Variants in ACOX3 observed in about 807,000 individuals in gnomAD.
The protein encoded by ACOX3 is acyl-CoA oxidase 3, pristanoyl.
Under a neutral mutation model 81.5 loss-of-function variants are expected in ACOX3, and 73 were observed. The ratio of observed to expected loss-of-function variants is 0.90; its 90% CI spans 0.74 to 1.09. The LOEUF (loss-of-function observed/expected upper bound fraction) is 1.09. Among genes scored for constraint, ACOX3 ranks in the 50% least tolerant of loss-of-function variants. ACOX3 has a pLI of 0.00. For synonymous variants in ACOX3, 387 were observed against 375.1 expected, an observed-to-expected ratio of 1.03 and a Z score of -0.37; for missense variants, 947 against 928.0, an observed-to-expected ratio of 1.02 and a Z score of -0.27.
downstream of ACOX3, among the ~76,000 whole-genome samples, chr4:8,364,347 A>C (rs1222893561): frequency 6.6e-6 from 1 of 152,258 alleles, no homozygotes; most frequent in Non-Finnish European, 1.5e-5. This position sits in a 1 kb window ranked among gnomAD's most constrained non-coding sequence, Gnocchi z 5.0. Flanking sequence ...AATATTTCAC[A>C]GAGCTTGGCT....
chr4:8,410,450 C>A, intron 5 of ACOX3, 95 bp from the exon 6 acceptor site: 1 of 1,489,652 alleles, frequency 6.7e-7, no homozygotes. Context: ...TTTCTACGTT[C>A]AAAATCTCTG....
downstream of ACOX3, among the ~76,000 whole-genome samples, chr4:8,363,255 T>C (rs1191064318): frequency 6.6e-6 from 1 of 152,254 alleles, no homozygotes; most frequent in Non-Finnish European, 1.5e-5. Context: ...AGCCTTCTAA[T>C]TTAGTTCACT....
rs1457311923 is a variant in ACOX3, at chr4:8,400,707, A to G, written c.777-1055T>C. On this transcript the variant is annotated intron_variant, in intron 7 of 17. Coordinates refer to ENST00000356406, the MANE Select transcript of ACOX3 (RefSeq NM_003501.3). The surrounding 1 kb of genome is among the most constrained non-coding windows in gnomAD (Gnocchi z 4.4). ...CCAAAACAAACTTCAAAATATCAAT[A>G]GTTCCTATAGCAACTTGTCTGATTC... Among the ~76,000 whole-genome samples, 1 of 152,184 alleles carries G rather than the reference A, an allele frequency of 6.6e-6. No homozygotes were observed. The highest frequency in any genetic ancestry group is 1.5e-5 in the Non-Finnish European group (1 of 68,040).
chr4:8,419,712 G>A lies in ACOX3; in HGVS notation c.-14-3177C>T, dbSNP rs1305767304. On this transcript the variant is annotated intron_variant, in intron 1 of 17. Transcript: ENST00000356406. This position sits in a 1 kb window ranked among gnomAD's most constrained non-coding sequence, Gnocchi z 4.2. ...ACCTCCAGACTCGTGAGCTCATTTG[G>A]CAGTCAACGGCAATTCCCCACCTCT... Among the ~76,000 whole-genome samples the A allele has an allele frequency of 2.0e-5, 3 of 152,132 alleles. No homozygotes were observed.
At chr4:8,364,028 T>C (rs1392803972), downstream of ACOX3, among the ~76,000 whole-genome samples, 1 of 152,170 alleles carries the variant, frequency 6.6e-6, no homozygotes, top group Non-Finnish European at 1.5e-5. The surrounding 1 kb of genome is among the most constrained non-coding windows in gnomAD (Gnocchi z 5.0). Flanking sequence ...TAAACTTGCT[T>C]TCACTTTACT....
At chr4:8,369,511 T>C (rs1004938373) in intron 17 of ACOX3, among the ~76,000 whole-genome samples, 14 of 152,018 alleles carry the variant, frequency 9.2e-5, no homozygotes, top group African/African-American at 3.4e-4. Flanking sequence ...CAGTGGTCAG[T>C]CCCCGATGCA....
At position 8,399,052 on chromosome 4, in the gene ACOX3, T is replaced by G. The variant is rs901085311; in HGVS notation, c.873+504A>C. On this transcript the variant is annotated intron_variant, in intron 8 of 17. Transcript: ENST00000356406. The surrounding 1 kb of genome is among the most constrained non-coding windows in gnomAD (Gnocchi z 4.9). ...GCTGCATGCTGCTGGGGACTGTTATTCCAAGGGTGCATGCTCGGGGTGGCC... is the reference window on the plus strand; with the variant it reads ...GCTGCATGCTGCTGGGGACTGTTATGCCAAGGGTGCATGCTCGGGGTGGCC... Among the ~76,000 whole-genome samples, 10 of 152,182 alleles carry G rather than the reference T, an allele frequency of 6.6e-5. No individual in the cohort carries two copies. The highest frequency in any genetic ancestry group is 1.5e-4 in the Non-Finnish European group (10 of 68,040).
At chr4:8,372,642 G>GGCT (rs1185566347) in intron 16 of ACOX3, among the ~76,000 whole-genome samples, 1 of 152,184 alleles carries the variant, frequency 6.6e-6, no homozygotes, top group Non-Finnish European at 1.5e-5. Flanking sequence ...TGGAACCGCA[G>GGCT]GCTCAGGGAA....
Position 8,414,906 on chromosome 4 carries a change from C to T in ACOX3, c.401G>A (p.Ser134Asn), listed in dbSNP as rs1722152509. Residue 134 changes from serine (S) to asparagine (N), a missense_variant, in exon 4 of 18, where the codon AGT (serine) becomes AAT (asparagine). By Grantham distance (46) the Ser-to-Asn change is conservative. Transcript: ENST00000356406. This position sits in a 1 kb window ranked among gnomAD's most constrained non-coding sequence, Gnocchi z 6.1. ...TGTGAGATGTCTTTCAGAACCAGAA[C>T]TGTAAACTGCTGATCCAAAAACCTG... The part of the protein sequence containing the change: ...HSLVFGSAVY[S>N]SGSERHLTYI... 3 of 1,614,128 alleles carry T rather than the reference C, an allele frequency of 1.9e-6. No homozygotes were observed. Among genetic ancestry groups the T allele is most frequent in the African/African-American group, 1.3e-5 (1 of 74,946 alleles).
rs986393740 is a variant in ACOX3 at position 8,405,111 on chromosome 4, A to G, written c.776+844T>C. ...AAGAAAGCTGGTCAAGGTGACACAA[A>G]GGGCCGGCTGCACATCTGTCTCATT... On this transcript the variant is annotated intron_variant, in intron 7 of 17. Transcript: ENST00000356406. This position sits in a 1 kb window ranked among gnomAD's most constrained non-coding sequence, Gnocchi z 7.1. 6.6e-6 allele frequency among the ~76,000 whole-genome samples: 1 copy of G among 152,152 alleles called. No homozygotes were observed. Among genetic ancestry groups the G allele is most frequent in the African/African-American group, 2.4e-5 (1 of 41,444 alleles).
chr4:8,437,379 G>A lies in ACOX3; in HGVS notation c.-15+3269C>T, dbSNP rs540789111. 9.0e-4 allele frequency among the ~76,000 whole-genome samples: 137 copies of A among 152,132 alleles called. 1 individual carries two copies. The highest frequency in any genetic ancestry group is 3.2e-3 in the African/African-American group (132 of 41,530). On this transcript the variant is annotated intron_variant, in intron 1 of 17. Coordinates refer to ENST00000356406, the MANE Select transcript of ACOX3 (RefSeq NM_003501.3). The surrounding 1 kb of genome is among the most constrained non-coding windows in gnomAD (Gnocchi z 5.2). Reference sequence around the variant, plus strand: ...AGAAAAAAAGAGGAGGCTAGAGACCGGTGCCAAGAGAAGAGCAAAACAAAA... The same window carrying A: ...AGAAAAAAAGAGGAGGCTAGAGACCAGTGCCAAGAGAAGAGCAAAACAAAA...
chr4:8,375,108 C>G lies in ACOX3; in HGVS notation c.1698G>C (p.Thr566=), dbSNP rs60183225. 0.019 allele frequency: 29,155 copies of G among 1,554,806 alleles called. 397 individuals are homozygous for G. The highest frequency in any genetic ancestry group is 0.063 in the African/African-American group (4,647 of 73,796). Residue 566 remains threonine, a synonymous_variant, in exon 15 of 18, where the codon ACG becomes ACC. Coordinates refer to ENST00000356406, the MANE Select transcript of ACOX3 (RefSeq NM_003501.3). The part of the protein sequence containing the change: ...RPLALAFVEL[T]VVQRFHEHVH... ...CGTGCTCGTGGAACCTCTGGACCAC[C>G]GTGAGCTCCACGAAGGCCAGCGCCA...
In ACOX3 at chr4:8,394,642, G is replaced by A. The variant is rs755214872; in HGVS notation, c.1157C>T (p.Ser386Leu). Residue 386 changes from serine (S) to leucine (L), a missense_variant, in exon 10 of 18, where the codon TCG becomes TTG. By Grantham distance (145) the Ser-to-Leu change is moderately radical. Coordinates refer to ENST00000356406, the MANE Select transcript of ACOX3 (RefSeq NM_003501.3). The surrounding 1 kb of genome is among the most constrained non-coding windows in gnomAD (Gnocchi z 5.9). Reference protein sequence around the residue: ...DLVELQRGLASGDRSARQAEL... With the variant: ...DLVELQRGLALGDRSARQAEL... ...CACCTGTCTGGCGCTGCGGTCTCCC[G>A]ATGCAAGTCCTCGCTGGAGCTCCAC... 95 of 1,613,660 alleles carry A rather than the reference G, an allele frequency of 5.9e-5. No individual in the cohort carries two copies. The highest frequency in any genetic ancestry group is 1.1e-4 in the African/African-American group (8 of 74,956).
rs1441250267 is a variant in ACOX3 at position 8,415,916 on chromosome 4, C to T, written c.228G>A (p.Glu76=). ...GADLSLEKYR[E]LNFLRCKRIF... is the part of the protein sequence containing the mutation. ...TCCGCTTGCATCGAAGGAAGTTCAG[C>T]TCGCGATACTTCTCCAAGGACAGAT... The change falls in exon 3 of 18, where the codon GAG becomes GAA. Residue 76 remains glutamate (E), a synonymous_variant. Coordinates refer to ENST00000356406, the MANE Select transcript of ACOX3 (RefSeq NM_003501.3). 6.2e-7 allele frequency: 1 copy of T among 1,614,090 alleles called. No individual in the cohort carries two copies. The highest frequency in any genetic ancestry group is 8.5e-7 in the Non-Finnish European group (1 of 1,180,052).
Position 8,414,420 on chromosome 4 carries a change from G to T in ACOX3, c.454-39C>A, listed in dbSNP as rs1470858620. The stretch of plus-strand genomic sequence containing the variant: ...CACAAAATGATGGAAAGCAAGAAAA[G>T]TTCTTTGTGCACATTCCCAGAAGGA... On this transcript the variant is annotated intron_variant, in intron 4 of 17. Coordinates refer to ENST00000356406, the MANE Select transcript of ACOX3 (RefSeq NM_003501.3). This position sits in a 1 kb window ranked among gnomAD's most constrained non-coding sequence, Gnocchi z 6.1. 4 of 1,570,852 alleles carry T rather than the reference G, an allele frequency of 2.5e-6. No homozygotes were observed. In the African/African-American group the frequency reaches 5.4e-5, roughly 21 times the overall value.
intron 1 of ACOX3, among the ~76,000 whole-genome samples, chr4:8,435,676 C>T (rs990782967): frequency 6.6e-6 from 1 of 152,090 alleles, no homozygotes; most frequent in Non-Finnish European, 1.5e-5. Context: ...TAGACAAAAA[C>T]CAGCATAAAT....
chr4:8,425,200 A>AGG (rs1723342009), intron 1 of ACOX3, among the ~76,000 whole-genome samples: 1 of 152,144 alleles, frequency 6.6e-6, no homozygotes, highest in African/African-American at 2.4e-5. Context: ...AGGAAAGGAA[A>AGG]GAGAAATAGA....
chr4:8,405,835 C>T lies in ACOX3; in HGVS notation c.776+120G>A. The T allele has an allele frequency of 2.0e-6, 2 of 1,023,074 alleles. No homozygotes were observed. The highest frequency in any genetic ancestry group is 1.3e-5 in the South Asian group (1 of 74,782). The allele number at this position is 1,023,074 out of a possible 1,614,324, so 63.4% of individuals were successfully genotyped here. A position where few individuals can be genotyped will look rare whatever the true frequency, so the allele number is the denominator to read the frequency against. On this transcript the variant is annotated intron_variant, in intron 7 of 17. Coordinates refer to ENST00000356406, the MANE Select transcript of ACOX3 (RefSeq NM_003501.3). This position sits in a 1 kb window ranked among gnomAD's most constrained non-coding sequence, Gnocchi z 7.1. ...GGGGGCTAGGCGTAGGTCCCCACCGCATTTGAGTCTAAGAGGGCAGGGCAT... is the reference window on the plus strand; with the variant it reads ...GGGGGCTAGGCGTAGGTCCCCACCGTATTTGAGTCTAAGAGGGCAGGGCAT...
At chr4:8,439,594 C>A (rs1357026500) in intron 1 of ACOX3, among the ~76,000 whole-genome samples, 1 of 152,178 alleles carries the variant, frequency 6.6e-6, no homozygotes. Flanking sequence ...AGGAAAAAAG[C>A]TTTTAAGACC....
Sources: gnomAD v4.1 joint callset for allele counts (sites outside exome capture counted in the v4.1 genomes callset) on GRCh38, gnomAD v4.1.1 for gene constraint, Gnocchi (gnomAD v3.1) non-coding constraint, MANE v1.5 for transcripts, NCBI Gene and HGNC (gene_info 2026-07-23, HGNC 2026-07-21) for gene names.